UGT1A3: variants seen among roughly 807,000 people sequenced by gnomAD.
The protein encoded by UGT1A3 is UDP glucuronosyltransferase family 1 member A3.
A neutral mutation model predicts 41.0 loss-of-function variants in UGT1A3; 31 were observed. The ratio of observed to expected loss-of-function variants is 0.76; its 90% CI spans 0.57 to 1.02. The LOEUF is 1.02. Ranked by LOEUF, UGT1A3 falls within the 50% of genes least tolerant of loss-of-function variation. The probability of loss-of-function intolerance (pLI) is 0.00; values close to 1 mark genes in which losing one functional copy is unlikely to be tolerated. For synonymous variants in UGT1A3, 262 were observed against 257.6 expected, an observed-to-expected ratio of 1.02 and a Z score of -0.17; for missense variants, 737 against 671.0, an observed-to-expected ratio of 1.10 and a Z score of -1.09.
chr2:233,736,749 T>C (rs1395071479), intron 1 of UGT1A3, among the ~76,000 whole-genome samples: 1 of 152,196 alleles, frequency 6.6e-6, no homozygotes, highest in African/African-American at 2.4e-5. Flanking sequence ...TTTCTGTTTG[T>C]TAGTTTTCCT....
chr2:233,738,466 G>C (rs1690794725), intron 1 of UGT1A3, among the ~76,000 whole-genome samples: 1 of 152,190 alleles, frequency 6.6e-6, no homozygotes, highest in Non-Finnish European at 1.5e-5. Context: ...GGGAAAGTTT[G>C]GAACTTCCTG....
Position 233,767,860 on chromosome 2 carries a change from G to C in UGT1A3, c.1011G>C (p.Arg337=). ...LGKIPQTVLW[R]YTGTRPSNLA... is the part of the protein sequence containing the mutation. ...TTTGCCCCTCCCAGGTCCTGTGGCGGTACACTGGAACCCGACCATCGAATC... is the reference window on the plus strand; with the variant it reads ...TTTGCCCCTCCCAGGTCCTGTGGCGCTACACTGGAACCCGACCATCGAATC... Residue 337 remains arginine (R), a synonymous_variant, in exon 3 of 5, where the codon CGG becomes CGC. Coordinates refer to ENST00000482026, the MANE Select transcript of UGT1A3 (RefSeq NM_019093.4). The C allele has an allele frequency of 1.2e-6, 2 of 1,614,120 alleles. No individual in the cohort carries two copies. The highest frequency in any genetic ancestry group is 1.7e-6 in the Non-Finnish European group (2 of 1,180,048).
chr2:233,736,804 G>A (rs1221083478), intron 1 of UGT1A3, among the ~76,000 whole-genome samples: 2 of 152,210 alleles, frequency 1.3e-5, no homozygotes, highest in African/African-American at 4.8e-5. Context: ...GGAGTTTGCT[G>A]GAGGTCCACT....
At chr2:233,755,290 G>C in intron 1 of UGT1A3, 1 of 652,954 alleles carries the variant, frequency 1.5e-6, no homozygotes, top group Admixed American at 2.9e-5. Context: ...CAAAGAGCCT[G>C]CGGGGCACTG....
chr2:233,750,944 C>T (rs1260619822), intron 1 of UGT1A3, among the ~76,000 whole-genome samples: 5 of 151,882 alleles, frequency 3.3e-5, no homozygotes, highest in Non-Finnish European at 7.3e-5. Flanking sequence ...AGCCCCCACA[C>T]AGAGTCTCCA....
At chr2:233,758,650 G>A (rs1202453447) in intron 1 of UGT1A3, among the ~76,000 whole-genome samples, 3 of 152,060 alleles carry the variant, frequency 2.0e-5, no homozygotes, top group Admixed American at 6.6e-5. Flanking sequence ...AAGAATGAGA[G>A]GGTACCCTAA....
intron 1 of UGT1A3, among the ~76,000 whole-genome samples, chr2:233,744,283 G>A (rs1174780649): frequency 6.6e-6 from 1 of 151,820 alleles, no homozygotes; most frequent in Non-Finnish European, 1.5e-5. Context: ...CTTTATATCA[G>A]TCTTTTTCCT....
chr2:233,761,173 T>C (rs771182197), intron 1 of UGT1A3: 2 of 1,614,246 alleles, frequency 1.2e-6, no homozygotes, highest in South Asian at 2.2e-5. Context: ...AGTGGGACTT[T>C]TACATGCGTA....
rs1174960322 is a variant in UGT1A3 at position 233,769,336 on chromosome 2, A to G, written c.1307+897A>G. 6.6e-6 allele frequency among the ~76,000 whole-genome samples: 1 copy of G among 152,252 alleles called. No individual in the cohort carries two copies. The highest frequency in any genetic ancestry group is 1.9e-4 in the East Asian group (1 of 5,208). ...AGCTCACTGGTAATAGGCTTATTAG[A>G]ACCTTATGGGAAGAAGTGGTGGCCA... On this transcript the variant is annotated intron_variant, in intron 4 of 4. Transcript: ENST00000482026. The surrounding 1 kb of genome is among the most constrained non-coding windows in gnomAD (Gnocchi z 4.4).
intron 1 of UGT1A3, among the ~76,000 whole-genome samples, chr2:233,759,447 C>G (rs1697141448): frequency 1.3e-5 from 2 of 152,254 alleles, no homozygotes; most frequent in Non-Finnish European, 2.9e-5. Context: ...TAAATCCAGG[C>G]CCAGTTAGCC....
At chr2:233,759,226 A>C (rs1435521106) in intron 1 of UGT1A3, among the ~76,000 whole-genome samples, 2 of 152,174 alleles carry the variant, frequency 1.3e-5, no homozygotes, top group African/African-American at 4.8e-5. Flanking sequence ...TATGCAAATG[A>C]AGGATGGAAA....
intron 1 of UGT1A3, chr2:233,753,251 C>T (rs1242257828): frequency 6.6e-6 from 1 of 152,206 alleles, no homozygotes; most frequent in African/African-American, 2.4e-5. Flanking sequence ...TAAGAAGCAA[C>T]TACCCAGGCA....
intron 1 of UGT1A3, among the ~76,000 whole-genome samples, chr2:233,765,768 G>T (rs35640782): frequency 0.021 from 3,251 of 152,014 alleles, 121 homozygotes; most frequent in African/African-American, 0.073. Flanking sequence ...ATTCTTGGGG[G>T]ATTCATTGGA....
At chr2:233,742,982 A>G (rs555126231) in intron 1 of UGT1A3, 1 of 227,728 alleles carries the variant, frequency 4.4e-6, no homozygotes, top group South Asian at 6.4e-5. Context: ...TAAGTTTAAT[A>G]AATAGCAAAT....
In UGT1A3 at chr2:233,729,557, C is replaced by T. The variant is rs13406898; in HGVS notation, c.431C>T (p.Thr144Ile). The change falls in exon 1 of 5, where the codon ACT (threonine) becomes ATT (isoleucine). Residue 144 changes from threonine to isoleucine, a missense_variant. By Grantham distance (89) the Thr-to-Ile change is moderately conservative (BLOSUM62 -1). Transcript: ENST00000482026. The part of the protein sequence containing the change: ...NEALIRHLNA[T>I]SFDVVLTDPV... ...GCCCTGATCAGGCACCTGAATGCTA[C>T]TTCCTTTGATGTGGTTTTAACAGAC... is the stretch of plus-strand genomic sequence containing the variant. The T allele has an allele frequency of 1.3e-3, 2,173 of 1,614,146 alleles. 29 individuals carry two copies. The African/African-American group carries it at 0.026, about 19-fold the overall frequency.
chr2:233,755,298 C>A, intron 1 of UGT1A3: 1 of 620,154 alleles, frequency 1.6e-6, no homozygotes. Flanking sequence ...CTGCGGGGCA[C>A]TGGCACAGCG....
chr2:233,747,089 ACTCTAT>A, intron 1 of UGT1A3: 1 of 1,215,556 alleles, frequency 8.2e-7, no homozygotes. Context: ...GGAGGAGAGC[ACTCTAT>A]CTTCCAATTA....
intron 1 of UGT1A3, chr2:233,743,959 C>T (rs371517697): frequency 1.3e-4 from 174 of 1,333,872 alleles, no homozygotes; most frequent in Non-Finnish European, 1.7e-4. Flanking sequence ...GCACAGCGAG[C>T]GGCAAGGCTG....
At position 233,760,496 on chromosome 2, in the gene UGT1A3, A is replaced by G. The variant is rs766949747; in HGVS notation, c.868-6538A>G. ...CCTGACGCCTCGTTGTACATCAGAG[A>G]CGGAGCATTTTACACCTTGAAGACG... On this transcript the variant is annotated intron_variant, in intron 1 of 4. Transcript: ENST00000482026. 4 of 1,614,258 alleles carry G rather than the reference A, an allele frequency of 2.5e-6. No homozygotes were observed. The South Asian group carries it at 4.4e-5, about 18-fold the overall frequency.
Sources: gnomAD v4.1 joint callset for allele counts (sites outside exome capture counted in the v4.1 genomes callset) on GRCh38, gnomAD v4.1.1 for gene constraint, Gnocchi (gnomAD v3.1) non-coding constraint, MANE v1.5 for transcripts, NCBI Gene and HGNC (gene_info 2026-07-23, HGNC 2026-07-21) for gene names.